The following GPR160 variants were observed in gnomAD, a reference collection of about 807,000 sequenced individuals.
GPR160 encodes G protein-coupled receptor 160, also known as probable G protein-coupled receptor 160.
In GPR160, 2 loss-of-function variants were observed where a neutral mutation model predicts 2.6. The observed-to-expected ratio is 0.77, with a 90% CI of 0.32 to 2.44. GPR160 has a LOEUF of 2.44. Ranked by LOEUF, GPR160 falls within the 30% of genes most tolerant of loss-of-function variation. The pLI is 0.11. For synonymous variants in GPR160, 130 were observed against 132.2 expected (o/e 0.98, Z 0.12); for missense variants, 351 against 383.6 (o/e 0.91, Z 0.71).
intron 2 of GPR160, among the ~76,000 whole-genome samples, chr3:170,042,828 TAAAAAAA>T (rs763216364): frequency 1.6e-4 from 17 of 107,998 alleles, no homozygotes; most frequent in East Asian, 1.4e-3. Flanking sequence ...CTCTCTCTCT[TAAAAAAA>T]AAAAAAAAAA....
intron 2 of GPR160, among the ~76,000 whole-genome samples, chr3:170,061,168 G>A (rs899435020): frequency 2.0e-5 from 3 of 151,788 alleles, no homozygotes; most frequent in East Asian, 1.9e-4. Context: ...CCAGCTACTC[G>A]GGAGGCTGAG....
rs1397519514 is a variant in GPR160, at chr3:170,061,286, AAAG to A, written c.-192-18485_-192-18483del. 2.0e-5 allele frequency among the ~76,000 whole-genome samples: 3 copies of A among 151,726 alleles called. No individual in the cohort carries two copies. In the East Asian group the frequency reaches 5.8e-4, roughly 29 times the overall value. On this transcript the variant is annotated intron_variant, in intron 2 of 3. Coordinates refer to ENST00000355897, the MANE Select transcript of GPR160 (RefSeq NM_014373.3). ...TGAGACTCTGTCTCAAAAAAAAAAA[AAAG>A]AAAGATAAAAAACAACAACAACAAC...
At chr3:170,042,352 T>C (rs1716486655) in intron 2 of GPR160, among the ~76,000 whole-genome samples, 1 of 147,746 alleles carries the variant, frequency 6.8e-6, no homozygotes, top group African/African-American at 2.5e-5. Context: ...GCCTGGGAGG[T>C]TGAGGCTGCA....
chr3:170,056,718 A>C (rs1014560859), intron 2 of GPR160, among the ~76,000 whole-genome samples: 4 of 152,236 alleles, frequency 2.6e-5, no homozygotes, highest in African/African-American at 9.6e-5. Flanking sequence ...TACCGTATTT[A>C]TAAAATACTG....
chr3:170,073,188 CA>C (rs796203329), intron 2 of GPR160, among the ~76,000 whole-genome samples: 199 of 135,666 alleles, frequency 1.5e-3, no homozygotes, highest in South Asian at 6.5e-3. Flanking sequence ...ATTCTCTTAC[CA>C]AAAAAAAAAA....
At chr3:170,076,980 G>A (rs1441270255) in intron 2 of GPR160, 1 of 152,100 alleles carries the variant, frequency 6.6e-6, no homozygotes, top group African/African-American at 2.4e-5. Flanking sequence ...CAACACTTAC[G>A]AGTCATGGGA....
chr3:170,074,228 A>G (rs923313897), intron 2 of GPR160, among the ~76,000 whole-genome samples: 2 of 151,826 alleles, frequency 1.3e-5, no homozygotes, highest in African/African-American at 4.8e-5. Flanking sequence ...TTTTGGACGG[A>G]GTTTCGGTAG....
chr3:170,070,889 C>T (rs891496326), intron 2 of GPR160, among the ~76,000 whole-genome samples: 1 of 152,098 alleles, frequency 6.6e-6, no homozygotes, highest in Non-Finnish European at 1.5e-5. Flanking sequence ...GATGAATATT[C>T]TTTAAAAATA....
intron 2 of GPR160, among the ~76,000 whole-genome samples, chr3:170,073,233 C>T (rs1712688381): frequency 1.3e-5 from 2 of 151,838 alleles, no homozygotes; most frequent in South Asian, 4.2e-4. Flanking sequence ...TTTGTTGTGA[C>T]AGCCCTAGGA....
At chr3:170,044,822 C>A (rs1385358197) in intron 2 of GPR160, among the ~76,000 whole-genome samples, 2 of 152,148 alleles carry the variant, frequency 1.3e-5, no homozygotes, top group Non-Finnish European at 2.9e-5. Flanking sequence ...CTGCTGATGA[C>A]AAGTCCACTT....
At chr3:170,066,259 G>GCTC (rs1712337037) in intron 2 of GPR160, among the ~76,000 whole-genome samples, 1 of 144,950 alleles carries the variant, frequency 6.9e-6, no homozygotes, top group South Asian at 2.2e-4. Flanking sequence ...TCCTGCCTCA[G>GCTC]CCTCCCGAGT....
chr3:170,042,119 T>G (rs897399161), intron 2 of GPR160, among the ~76,000 whole-genome samples: 1 of 152,210 alleles, frequency 6.6e-6, no homozygotes, highest in African/African-American at 2.4e-5. Context: ...CGCTTTCATC[T>G]GCATCACCTC....
intron 2 of GPR160, among the ~76,000 whole-genome samples, chr3:170,054,694 T>C (rs573705455): frequency 6.6e-6 from 1 of 152,326 alleles, no homozygotes; most frequent in South Asian, 2.1e-4. Context: ...AGGTACCTCA[T>C]ATATATGGGA....
chr3:170,069,761 A>G (rs1576907954), intron 2 of GPR160, among the ~76,000 whole-genome samples: 1 of 152,174 alleles, frequency 6.6e-6, no homozygotes. Context: ...ATATTTTAGT[A>G]TGTATTATTT....
intron 2 of GPR160, among the ~76,000 whole-genome samples, chr3:170,079,072 G>C (rs867207141): frequency 6.6e-6 from 1 of 152,206 alleles, no homozygotes; most frequent in Non-Finnish European, 1.5e-5. Context: ...TCCCTGAAAG[G>C]GGGGACAGTA....
Position 170,085,139 on chromosome 3 carries a change from C to A in GPR160, c.*150C>A. ...ATGTGTCTTTTGAAGGGCTATGATA[C>A]CAGTTATTAAATAGTGTTTTATTTT... is the stretch of plus-strand genomic sequence containing the variant. On this transcript the variant is annotated 3_prime_UTR_variant, in exon 4 of 4. Transcript: ENST00000355897. 1 of 458,636 alleles carries A rather than the reference C, an allele frequency of 2.2e-6. No homozygotes were observed. 28.4% of individuals were successfully genotyped at this position (458,636 alleles called of 1,614,324 possible). A position where few individuals can be genotyped will look rare whatever the true frequency, so the allele number is the denominator to read the frequency against.
At chr3:170,070,430 C>T (rs927173296) in intron 2 of GPR160, among the ~76,000 whole-genome samples, 11 of 152,184 alleles carry the variant, frequency 7.2e-5, no homozygotes, top group African/African-American at 2.7e-4. Context: ...TCAATTTCCA[C>T]CTTTCAGTAT....
chr3:170,043,912 C>T (rs1415903968), intron 2 of GPR160, among the ~76,000 whole-genome samples: 1 of 152,038 alleles, frequency 6.6e-6, no homozygotes, highest in Admixed American at 6.5e-5. Context: ...GTAGTACATC[C>T]CAGTCCCCTC....
At chr3:170,082,565 A>C (rs1220458261) in intron 3 of GPR160, among the ~76,000 whole-genome samples, 1 of 152,220 alleles carries the variant, frequency 6.6e-6, no homozygotes, top group East Asian at 1.9e-4. Context: ...ATTTCTGATA[A>C]GGGATACTCA....
Sources: allele counts gnomAD v4.1 joint callset (sites outside exome capture counted in the v4.1 genomes callset), GRCh38; gene constraint gnomAD v4.1.1; transcripts MANE v1.5; gene names NCBI Gene and HGNC (gene_info 2026-07-23, HGNC 2026-07-21).